ATP6V1E2: variants seen among roughly 807,000 people sequenced by gnomAD.
ATP6V1E2 encodes V-type proton ATPase subunit E 2.
For synonymous variants in ATP6V1E2, 121 were observed against 104.2 expected (o/e 1.16, Z -0.98); for missense variants, 308 against 273.3 (o/e 1.13, Z -0.90).
intron 4 of ATP6V1E2, among the ~76,000 whole-genome samples, chr2:46,514,215 G>T (rs1423039996): frequency 6.6e-6 from 1 of 152,164 alleles, no homozygotes; most frequent in African/African-American, 2.4e-5. Context: ...AGGAGGTGGA[G>T]ATTCCAGTGA....
At chr2:46,539,114 C>G (rs1232073730) in intron 2 of ATP6V1E2, among the ~76,000 whole-genome samples, 1 of 152,182 alleles carries the variant, frequency 6.6e-6, no homozygotes, top group African/African-American at 2.4e-5. Context: ...ATTATAAAAA[C>G]ATTTAGCAGA....
At chr2:46,531,790 T>C (rs370480344) in intron 4 of ATP6V1E2, among the ~76,000 whole-genome samples, 6 of 152,238 alleles carry the variant, frequency 3.9e-5, no homozygotes, top group Non-Finnish European at 8.8e-5. Flanking sequence ...CTACTAATGA[T>C]GTTGAATACC....
Position 46,512,107 on chromosome 2 carries a change from A to C in ATP6V1E2, c.605T>G (p.Leu202Arg), listed in dbSNP as rs759570979. The change falls in exon 5 of 5, where the codon CTC becomes CGC. Residue 202 changes from leucine (L) to arginine (R), a missense_variant. Leu to Arg is a moderately radical substitution (Grantham distance 102, BLOSUM62 -2). Coordinates refer to ENST00000522587, the MANE Select transcript of ATP6V1E2 (RefSeq NM_001318063.2). Reference protein sequence around the residue: ...VSNTLESRLDLSAKQKMPEIR... With the variant: ...VSNTLESRLDRSAKQKMPEIR... ...TTCTGGCATCTTTTGCTTGGCTGAG[A>C]GATCCAGTCGGCTTTCCAAGGTATT... 4.3e-6 allele frequency: 7 copies of C among 1,614,092 alleles called. No individual in the cohort carries two copies. Among genetic ancestry groups the C allele is most frequent in the Non-Finnish European group, 5.9e-6 (7 of 1,179,992 alleles).
intron 2 of ATP6V1E2, among the ~76,000 whole-genome samples, chr2:46,540,613 C>CTTTTTTTTTTTTTTTTTTT (rs59810518): frequency 1.7e-5 from 2 of 115,620 alleles, no homozygotes; most frequent in African/African-American, 3.4e-5. Flanking sequence ...TTTTCTGTAA[C>CTTTTTTTTTTTTTTTTTTT]TTTTTTTTTT....
chr2:46,542,194 AATT>A lies in ATP6V1E2; in HGVS notation c.-374+20_-374+22del. 9.0e-6 allele frequency: 1 copy of A among 111,456 alleles called. No individual in the cohort carries two copies. Among genetic ancestry groups the A allele is most frequent in the Non-Finnish European group, 1.9e-5 (1 of 53,460 alleles). 6.9% of individuals were successfully genotyped at this position (111,456 alleles called of 1,614,324 possible). On this transcript the variant is annotated intron_variant, in intron 1 of 4. Transcript: ENST00000522587. ...GACCGCCACCACCCCACGCGCCTTA[AATT>A]TTTTTTTTTTTTTTTTTACCCTTTT...
At chr2:46,539,057 G>A (rs1358093234) in intron 2 of ATP6V1E2, among the ~76,000 whole-genome samples, 1 of 151,964 alleles carries the variant, frequency 6.6e-6, no homozygotes, top group Non-Finnish European at 1.5e-5. Flanking sequence ...AGGTACCAGG[G>A]GCAGGATGTA....
At position 46,514,806 on chromosome 2, in the gene ATP6V1E2, C is replaced by T. The variant is rs573128596; in HGVS notation, c.-101-1994G>A. 5.3e-5 allele frequency among the ~76,000 whole-genome samples: 8 copies of T among 152,118 alleles called. No individual in the cohort carries two copies. In the South Asian group the frequency reaches 6.2e-4, roughly 12 times the overall value. On this transcript the variant is annotated intron_variant, in intron 4 of 4. Coordinates refer to ENST00000522587, the MANE Select transcript of ATP6V1E2 (RefSeq NM_001318063.2). ...GTCTATCCAGATTCAAGAAGTCTAACGGACTCCAACTAAGATAAACCCAAA... is the reference window on the plus strand; with the variant it reads ...GTCTATCCAGATTCAAGAAGTCTAATGGACTCCAACTAAGATAAACCCAAA...
At chr2:46,514,307 A>G (rs1687616397) in intron 4 of ATP6V1E2, among the ~76,000 whole-genome samples, 1 of 151,932 alleles carries the variant, frequency 6.6e-6, no homozygotes, top group Admixed American at 6.6e-5. Flanking sequence ...AAAAGAAAAA[A>G]GAAAAAAGGA....
At chr2:46,533,203 GTAGATAGATAGATAGATAGATAGATAGA>G (rs72186652) in intron 4 of ATP6V1E2, among the ~76,000 whole-genome samples, 6 of 148,220 alleles carry the variant, frequency 4.0e-5, no homozygotes, top group Non-Finnish European at 8.9e-5. Context: ...GCATGTATGT[GTAGATAGATAGATAGATAGATAGATAGA>G]TAGATAGATA....
chr2:46,518,611 C>T (rs1666428445), intron 4 of ATP6V1E2, among the ~76,000 whole-genome samples: 2 of 151,826 alleles, frequency 1.3e-5, no homozygotes, highest in African/African-American at 4.8e-5. Flanking sequence ...CCCTTGGGTT[C>T]AATCTTACAA....
chr2:46,536,787 CT>C lies in ATP6V1E2; in HGVS notation c.-309-85del, dbSNP rs779277750. 427 of 144,580 alleles carry C rather than the reference CT, an allele frequency of 3.0e-3. 1 individual carries two copies. The highest frequency in any genetic ancestry group is 3.6e-3 in the Middle Eastern group (1 of 278). 9.0% of individuals were successfully genotyped at this position (144,580 alleles called of 1,614,324 possible). A position where few individuals can be genotyped will look rare whatever the true frequency, so the allele number is the denominator to read the frequency against. ...TAACATTTGCCTCTCTCCTAAACTT[CT>C]TTTTTTTTTTTTTGAGACAGTGTCT... On this transcript the variant is annotated intron_variant, in intron 2 of 4. Transcript: ENST00000522587.
At chr2:46,531,607 T>A (rs12997164) in intron 4 of ATP6V1E2, among the ~76,000 whole-genome samples, 1 of 152,108 alleles carries the variant, frequency 6.6e-6, no homozygotes, top group African/African-American at 2.4e-5. Context: ...ACCTTCGAAC[T>A]GTTTTCCAGA....
intron 4 of ATP6V1E2, among the ~76,000 whole-genome samples, chr2:46,521,949 CA>C (rs1429270227): frequency 6.7e-6 from 1 of 149,516 alleles, no homozygotes; most frequent in East Asian, 2.0e-4. Context: ...CTCAGCCTCC[CA>C]AAGTGCTGGG....
intron 4 of ATP6V1E2, among the ~76,000 whole-genome samples, chr2:46,532,453 G>A (rs1467412842): frequency 6.6e-6 from 1 of 151,498 alleles, no homozygotes; most frequent in African/African-American, 2.4e-5. Flanking sequence ...TTTACAACAT[G>A]CATCTTTAAG....
In ATP6V1E2 at chr2:46,512,108, G is replaced by C; in HGVS notation, c.604C>G (p.Leu202Val). Residue 202 changes from leucine to valine, a missense_variant, in exon 5 of 5, where the codon CTC becomes GTC. Coordinates refer to ENST00000522587, the MANE Select transcript of ATP6V1E2 (RefSeq NM_001318063.2). ...VSNTLESRLD[L>V]SAKQKMPEIR... Reference sequence around the variant, plus strand: ...TCTGGCATCTTTTGCTTGGCTGAGAGATCCAGTCGGCTTTCCAAGGTATTT... The same window carrying C: ...TCTGGCATCTTTTGCTTGGCTGAGACATCCAGTCGGCTTTCCAAGGTATTT... The C allele has an allele frequency of 6.2e-7, 1 of 1,614,114 alleles. No homozygotes were observed. Among genetic ancestry groups the C allele is most frequent in the Non-Finnish European group, 8.5e-7 (1 of 1,180,000 alleles).
At chr2:46,524,911 A>G (rs1414666695) in intron 4 of ATP6V1E2, among the ~76,000 whole-genome samples, 1 of 152,138 alleles carries the variant, frequency 6.6e-6, no homozygotes, top group Non-Finnish European at 1.5e-5. Context: ...GCATTATGCA[A>G]AAGAGCCCAT....
intron 4 of ATP6V1E2, among the ~76,000 whole-genome samples, chr2:46,517,594 G>A (rs935899912): frequency 3.9e-5 from 6 of 152,170 alleles, no homozygotes; most frequent in Admixed American, 3.3e-4. Flanking sequence ...CTCATAAGAA[G>A]TTAATATCCA....
At chr2:46,542,195 AT>A (rs34450819) in intron 1 of ATP6V1E2, 21 bp downstream of exon 1, 48,500 of 141,098 alleles carry the variant, frequency 0.34, 9,353 homozygotes, top group East Asian at 0.72. Context: ...CGCGCCTTAA[AT>A]TTTTTTTTTT....
At chr2:46,516,151 C>T (rs1403545510) in intron 4 of ATP6V1E2, among the ~76,000 whole-genome samples, 1 of 152,142 alleles carries the variant, frequency 6.6e-6, no homozygotes, top group Non-Finnish European at 1.5e-5. Context: ...AAGCAGAGAA[C>T]TTGAACAACA....
Sources: allele counts gnomAD v4.1 joint callset (sites outside exome capture counted in the v4.1 genomes callset), GRCh38; gene constraint gnomAD v4.1.1; transcripts MANE v1.5; gene names NCBI Gene and HGNC (gene_info 2026-07-23, HGNC 2026-07-21).